The following PPP3CA variants were observed in gnomAD, a reference collection of about 807,000 sequenced individuals.
PPP3CA encodes CAM-PRP catalytic subunit.
Under a neutral mutation model 66.5 loss-of-function variants are expected in PPP3CA, and 14 were observed. That is an observed-to-expected ratio of 0.21 (90% CI 0.14 to 0.33). The LOEUF (loss-of-function observed/expected upper bound fraction) is 0.33, where lower values mean the gene tolerates loss of function less well. Among genes scored for constraint, PPP3CA ranks in the 10% least tolerant of loss-of-function variants. PPP3CA has a pLI of 1.00. For synonymous variants in PPP3CA, 232 were observed against 226.2 expected (o/e 1.03, Z -0.23); for missense variants, 317 against 639.5 (o/e 0.50, Z 5.44).
chr4:101,135,847 T>C (rs1021155228), intron 2 of PPP3CA, among the ~76,000 whole-genome samples: 3 of 152,196 alleles, frequency 2.0e-5, no homozygotes, highest in Non-Finnish European at 2.9e-5. Context: ...TCTGATTAAT[T>C]ATTCTCTCCA....
chr4:101,339,769 C>T (rs553290047), intron 1 of PPP3CA, among the ~76,000 whole-genome samples: 7 of 152,188 alleles, frequency 4.6e-5, no homozygotes, highest in African/African-American at 1.4e-4. Context: ...CCATTTTTTC[C>T]AAACTAAAAC....
chr4:101,220,299 G>GTTTTTTTTTTTTTTT (rs33967695), intron 1 of PPP3CA, among the ~76,000 whole-genome samples: 1 of 147,522 alleles, frequency 6.8e-6, no homozygotes. Flanking sequence ...TTGACAGCAC[G>GTTTTTTTTTTTTTTT]TTTTTTTTTT....
intron 3 of PPP3CA, among the ~76,000 whole-genome samples, chr4:101,104,596 T>C (rs997169965): frequency 1.3e-5 from 2 of 152,146 alleles, no homozygotes; most frequent in Non-Finnish European, 2.9e-5. Context: ...ACTGCACTCA[T>C]AAAAGGAACG....
chr4:101,139,562 T>TAA (rs929929817), intron 2 of PPP3CA, among the ~76,000 whole-genome samples: 4 of 151,954 alleles, frequency 2.6e-5, no homozygotes, highest in African/African-American at 9.7e-5. Context: ...ATTCGACCCC[T>TAA]AAAAGAATAT....
In PPP3CA at chr4:101,124,715, AAGAAAGAAAGAG is replaced by A. The variant is rs1722160109; in HGVS notation, c.260-15649_260-15638del. On this transcript the variant is annotated intron_variant, in intron 2 of 13. Transcript: ENST00000394854. The stretch of plus-strand genomic sequence containing the variant: ...AAAGAAAGAAAGAAAGAAAGAAAGA[AAGAAAGAAAGAG>A]AAAGAAAGAAAGAAAGAAAGAAAGA... Among the ~76,000 whole-genome samples the A allele has an allele frequency of 8.4e-4, 74 of 88,086 alleles. 2 individuals carry two copies. The highest frequency in any genetic ancestry group is 3.1e-3 in the African/African-American group (71 of 22,724). The allele number at this position is 88,086 out of a possible 152,430, so 57.8% of individuals were successfully genotyped here.
At chr4:101,274,521 T>C (rs1171251271) in intron 1 of PPP3CA, among the ~76,000 whole-genome samples, 2 of 152,240 alleles carry the variant, frequency 1.3e-5, no homozygotes, top group African/African-American at 4.8e-5. Context: ...AAACTTATTC[T>C]GTACAGAAAA....
At chr4:101,266,188 T>TTTCTCAGTAC (rs1727164982) in intron 1 of PPP3CA, among the ~76,000 whole-genome samples, 1 of 152,148 alleles carries the variant, frequency 6.6e-6, no homozygotes, top group Non-Finnish European at 1.5e-5. Context: ...AACTCTGTAT[T>TTTCTCAGTAC]TTCTTACATC....
intron 1 of PPP3CA, among the ~76,000 whole-genome samples, chr4:101,278,130 A>AT (rs1727563334): frequency 1.4e-5 from 2 of 147,020 alleles, no homozygotes; most frequent in African/African-American, 5.4e-5. Context: ...AGTAAAAAAA[A>AT]AAAAAAAAAT....
intron 2 of PPP3CA, among the ~76,000 whole-genome samples, chr4:101,189,775 T>TA (rs1489421846): frequency 1.4e-5 from 2 of 143,832 alleles, no homozygotes. Flanking sequence ...CAAAAAACTA[T>TA]AAAAAATTAT....
chr4:101,053,290 CA>C (rs2110219479), intron 10 of PPP3CA, among the ~76,000 whole-genome samples: 1 of 152,124 alleles, frequency 6.6e-6, no homozygotes, highest in Non-Finnish European at 1.5e-5. Context: ...GTCTGATAGC[CA>C]AAGTTATGGT....
rs189552355 is a variant in PPP3CA, at chr4:101,333,886, T to C, written c.58+12853A>G. The stretch of plus-strand genomic sequence containing the variant: ...GCAAAACTTATACCGTGATTTCCTT[T>C]TGCTTCCCACACTGGACAGTAACCT... On this transcript the variant is annotated intron_variant, in intron 1 of 13. Coordinates refer to ENST00000394854, the MANE Select transcript of PPP3CA (RefSeq NM_000944.5). Among the ~76,000 whole-genome samples, 223 of 152,306 alleles carry C rather than the reference T, an allele frequency of 1.5e-3. 2 individuals are homozygous for C. Among genetic ancestry groups the C allele is most frequent in the Admixed American group, 0.014 (215 of 15,294 alleles).
intron 1 of PPP3CA, among the ~76,000 whole-genome samples, chr4:101,338,768 C>A (rs1210093864): frequency 6.6e-6 from 1 of 152,184 alleles, no homozygotes; most frequent in Non-Finnish European, 1.5e-5. Context: ...TCCCAATAAT[C>A]AGGCCCAGCA....
intron 3 of PPP3CA, 27 bp downstream of exon 3, chr4:101,108,927 A>G: frequency 1.9e-6 from 3 of 1,605,304 alleles, no homozygotes; most frequent in Non-Finnish European, 2.6e-6. Flanking sequence ...ATAACTGAAC[A>G]GCAAAGAAGA....
chr4:101,171,276 T>C (rs1723869316), intron 2 of PPP3CA: 1 of 454,114 alleles, frequency 2.2e-6, no homozygotes, highest in Non-Finnish European at 4.4e-6. Context: ...TCTCCCACAA[T>C]AGGAGCTAAA....
At chr4:101,147,513 C>G (rs1285389628) in intron 2 of PPP3CA, among the ~76,000 whole-genome samples, 1 of 152,138 alleles carries the variant, frequency 6.6e-6, no homozygotes, top group Non-Finnish European at 1.5e-5. Context: ...AGAGAAAAAG[C>G]TGAGCCCATT....
At position 101,061,081 on chromosome 4, in the gene PPP3CA, T is replaced by A; in HGVS notation, c.1156+6A>T. On this transcript the variant is annotated splice_donor_region_variant and intron_variant, in intron 10 of 13. Coordinates refer to ENST00000394854, the MANE Select transcript of PPP3CA (RefSeq NM_000944.5). ...TAGCATTAGCACAAAGGCTCAAGCC[T>A]CTTACCATCAAATCCATCTTCTTCT... is the stretch of plus-strand genomic sequence containing the variant. 1 of 1,608,256 alleles carries A rather than the reference T, an allele frequency of 6.2e-7. No individual in the cohort carries two copies. Among genetic ancestry groups the A allele is most frequent in the South Asian group, 1.1e-5 (1 of 90,960 alleles).
At position 101,239,983 on chromosome 4, in the gene PPP3CA, G is replaced by A. The variant is rs1027052740; in HGVS notation, c.59-43867C>T. ...TAATCTAGCATCATTTGATTAAGGG[G>A]GTTTAAAATAAAAAGAGCCTACAGT... On this transcript the variant is annotated intron_variant, in intron 1 of 13. Transcript: ENST00000394854. Among the ~76,000 whole-genome samples the A allele has an allele frequency of 4.0e-5, 6 of 149,130 alleles. No homozygotes were observed. The East Asian group carries it at 7.9e-4, about 20-fold the overall frequency.
At chr4:101,123,932 C>A (rs988508492) in intron 2 of PPP3CA, among the ~76,000 whole-genome samples, 2 of 152,176 alleles carry the variant, frequency 1.3e-5, no homozygotes, top group Non-Finnish European at 2.9e-5. Flanking sequence ...CAGAATAGTA[C>A]TCTCACAGAA....
intron 1 of PPP3CA, among the ~76,000 whole-genome samples, chr4:101,320,027 G>A (rs533353479): frequency 3.3e-5 from 5 of 152,090 alleles, no homozygotes; most frequent in South Asian, 2.1e-4. Context: ...ATTTCCATAC[G>A]AGTCAGTGAA....
Sources: gnomAD v4.1 joint callset for allele counts (sites outside exome capture counted in the v4.1 genomes callset) on GRCh38, gnomAD v4.1.1 for gene constraint, MANE v1.5 for transcripts, NCBI Gene and HGNC (gene_info 2026-07-23, HGNC 2026-07-21) for gene names.